Variants in ANKS1B observed in about 807,000 individuals in gnomAD.
The protein encoded by ANKS1B is ankyrin repeat and sterile alpha motif domain-containing protein 1B.
ANKS1B carries 36 observed loss-of-function variants against 148.3 expected under a neutral mutation model. The ratio of observed to expected loss-of-function variants is 0.24; its 90% CI spans 0.19 to 0.32. The LOEUF (loss-of-function observed/expected upper bound fraction) is 0.32. Ranked by LOEUF, ANKS1B falls within the 10% of genes least tolerant of loss-of-function variation. The pLI is 1.00. For synonymous variants in ANKS1B, 542 were observed against 560.8 expected (o/e 0.97, Z 0.47); for missense variants, 1,157 against 1,542.6 (o/e 0.75, Z 4.19).
In ANKS1B at chr12:98,915,124, G is replaced by A. The variant is rs971270314; in HGVS notation, c.2779-82988C>T. Among the ~76,000 whole-genome samples, 3 of 151,890 alleles carry A rather than the reference G, an allele frequency of 2.0e-5. No homozygotes were observed. In the East Asian group the frequency reaches 5.8e-4, roughly 29 times the overall value. On this transcript the variant is annotated intron_variant, in intron 17 of 26. Coordinates refer to ENST00000683438, the MANE Select transcript of ANKS1B (RefSeq NM_001352186.2). The stretch of plus-strand genomic sequence containing the variant: ...ATTTGGGAACGAGGTCATTACAGAT[G>A]TAATTAGTTAAGATGAGGTCACACT...
intron 12 of ANKS1B, among the ~76,000 whole-genome samples, chr12:99,354,357 C>T (rs2091767773): frequency 6.6e-6 from 1 of 151,852 alleles, no homozygotes; most frequent in Non-Finnish European, 1.5e-5. Context: ...TTTGGATGCA[C>T]CAGAAATCAT....
At position 99,404,019 on chromosome 12, in the gene ANKS1B, CT is replaced by C. The variant is rs1371680237; in HGVS notation, c.1576-4209del. Reference sequence around the variant, plus strand: ...CCATAAAAAAGAATTAGATCATGTCCTTTTCAGGAACATGGTTGGAGACCGA... The same window carrying C: ...CCATAAAAAAGAATTAGATCATGTCCTTTCAGGAACATGGTTGGAGACCGA... On this transcript the variant is annotated intron_variant, in intron 11 of 26. Transcript: ENST00000683438. Among the ~76,000 whole-genome samples, 5 of 146,286 alleles carry C rather than the reference CT, an allele frequency of 3.4e-5. 2 individuals carry two copies. Among genetic ancestry groups the C allele is most frequent in the African/African-American group, 1.3e-4 (5 of 38,540 alleles).
At chr12:99,942,600 T>C (rs1285446349) in intron 1 of ANKS1B, among the ~76,000 whole-genome samples, 2 of 151,866 alleles carry the variant, frequency 1.3e-5, no homozygotes, top group South Asian at 2.1e-4. Flanking sequence ...AAAAGCAACA[T>C]TTTTTTTAGA....
intron 11 of ANKS1B, among the ~76,000 whole-genome samples, chr12:99,417,566 T>C (rs564683928): frequency 2.2e-4 from 34 of 152,276 alleles, no homozygotes; most frequent in Middle Eastern, 3.4e-3. Flanking sequence ...ATTAGAATAA[T>C]CTTATATTTA....
chr12:99,508,513 A>G (rs1023430697), intron 9 of ANKS1B, among the ~76,000 whole-genome samples: 6 of 151,264 alleles, frequency 4.0e-5, no homozygotes, highest in African/African-American at 7.3e-5. Flanking sequence ...AATATTATAT[A>G]TAAGTATAGT....
At chr12:98,980,612 C>T (rs893286846) in intron 17 of ANKS1B, among the ~76,000 whole-genome samples, 4 of 152,146 alleles carry the variant, frequency 2.6e-5, no homozygotes, top group Non-Finnish European at 5.9e-5. Flanking sequence ...GTCACATTTT[C>T]TTGTATCTTG....
At chr12:99,742,315 A>T (rs1050221218) in intron 8 of ANKS1B, among the ~76,000 whole-genome samples, 13 of 152,252 alleles carry the variant, frequency 8.5e-5, no homozygotes, top group African/African-American at 3.1e-4. Context: ...TTACATTAAA[A>T]ATTGAAATAT....
intron 10 of ANKS1B, among the ~76,000 whole-genome samples, chr12:99,461,072 AC>A (rs1415901109): frequency 1.9e-3 from 284 of 152,224 alleles, no homozygotes; most frequent in African/African-American, 6.2e-3. Flanking sequence ...ATATACACAT[AC>A]ACACACCATG....
In ANKS1B at chr12:99,096,154, T is replaced by C. The variant is rs532546931; in HGVS notation, c.2527-11131A>G. ...ACAGGGCAGAAACAATAAGAACATT[T>C]AGGGGTATGTTAGGTTGACCTTAGT... On this transcript the variant is annotated intron_variant, in intron 15 of 26. Transcript: ENST00000683438. Among the ~76,000 whole-genome samples the C allele has an allele frequency of 2.6e-5, 4 of 152,278 alleles. No homozygotes were observed. In the East Asian group the frequency reaches 7.7e-4, roughly 29 times the overall value.
intron 17 of ANKS1B, among the ~76,000 whole-genome samples, chr12:98,914,379 C>T (rs937166307): frequency 1.3e-5 from 2 of 152,170 alleles, no homozygotes; most frequent in Admixed American, 1.3e-4. Context: ...TACCCAGCCT[C>T]AGGCATTTCT....
chr12:99,495,103 C>A (rs74973810), intron 10 of ANKS1B, among the ~76,000 whole-genome samples: 5,887 of 152,200 alleles, frequency 0.039, 395 homozygotes, highest in African/African-American at 0.14. Flanking sequence ...GTCCACTCTA[C>A]TTTCATGAGC....
rs138621721 is a variant in ANKS1B at position 99,608,747 on chromosome 12, C to A, written c.1272+46320G>T. On this transcript the variant is annotated intron_variant, in intron 9 of 26. Coordinates refer to ENST00000683438, the MANE Select transcript of ANKS1B (RefSeq NM_001352186.2). The stretch of plus-strand genomic sequence containing the variant: ...GACCACAAAAAGGAGGTCAGGGGCA[C>A]CTTTCCTGTGTTTTTCAAGGGGTCT... Among the ~76,000 whole-genome samples, 399 of 152,148 alleles carry A rather than the reference C, an allele frequency of 2.6e-3. 2 individuals are homozygous for A. Among genetic ancestry groups the A allele is most frequent in the African/African-American group, 8.9e-3 (370 of 41,532 alleles).
chr12:98,978,117 A>G (rs2099900767), intron 17 of ANKS1B, among the ~76,000 whole-genome samples: 1 of 152,026 alleles, frequency 6.6e-6, no homozygotes, highest in Admixed American at 6.6e-5. Context: ...TTGCTTTTTA[A>G]ATTTTTAAAT....
intron 14 of ANKS1B, among the ~76,000 whole-genome samples, chr12:99,171,751 C>T (rs770679798): frequency 1.3e-5 from 2 of 152,018 alleles, no homozygotes; most frequent in East Asian, 1.9e-4. Flanking sequence ...ATAGTAATTC[C>T]GTTGATTTTG....
At chr12:98,812,490 G>A (rs895938227) in intron 19 of ANKS1B, among the ~76,000 whole-genome samples, 3 of 152,206 alleles carry the variant, frequency 2.0e-5, no homozygotes, top group Non-Finnish European at 2.9e-5. Flanking sequence ...TAGGTTATGC[G>A]TAACTGTCAT....
chr12:99,505,151 T>C (rs1288506306), intron 9 of ANKS1B, among the ~76,000 whole-genome samples: 2 of 152,132 alleles, frequency 1.3e-5, no homozygotes, highest in Non-Finnish European at 2.9e-5. Flanking sequence ...GCAGTTTTGA[T>C]ATCTGGAGCT....
At chr12:98,891,355 A>T (rs1192923756) in intron 17 of ANKS1B, among the ~76,000 whole-genome samples, 1 of 152,192 alleles carries the variant, frequency 6.6e-6, no homozygotes, top group Non-Finnish European at 1.5e-5. Flanking sequence ...AAGCCAATAT[A>T]TTCTCACAAT....
chr12:99,227,988 C>T (rs941293948), intron 14 of ANKS1B, among the ~76,000 whole-genome samples: 1 of 151,952 alleles, frequency 6.6e-6, no homozygotes, highest in African/African-American at 2.4e-5. Flanking sequence ...CATTGAAATA[C>T]TTGAGATTTA....
intron 12 of ANKS1B, among the ~76,000 whole-genome samples, chr12:99,377,329 T>C (rs2093433168): frequency 6.6e-6 from 1 of 152,146 alleles, no homozygotes; most frequent in South Asian, 2.1e-4. Context: ...AGGGAATTGG[T>C]CATTATTCTT....
Sources: allele counts gnomAD v4.1 joint callset (sites outside exome capture counted in the v4.1 genomes callset), GRCh38; gene constraint gnomAD v4.1.1; transcripts MANE v1.5; gene names NCBI Gene and HGNC (gene_info 2026-07-23, HGNC 2026-07-21).